PKDCC: variants seen among roughly 807,000 people sequenced by gnomAD.
The protein encoded by PKDCC is protein kinase domain containing, cytoplasmic, also known as extracellular tyrosine-protein kinase PKDCC.
PKDCC carries 35 observed loss-of-function variants against 44.7 expected under a neutral mutation model. The observed-to-expected ratio is 0.78, with a 90% CI of 0.60 to 1.04. PKDCC has a LOEUF of 1.04. Among genes scored for constraint, PKDCC ranks in the 50% least tolerant of loss-of-function variants. PKDCC has a pLI of 0.00. For synonymous variants in PKDCC, 353 were observed against 303.3 expected, an observed-to-expected ratio of 1.16 and a Z score of -1.70; for missense variants, 738 against 672.7, an observed-to-expected ratio of 1.10 and a Z score of -1.07.
rs764592115 is a variant in PKDCC at position 42,055,333 on chromosome 2, G to C, written c.1162G>C (p.Val388Leu). 6 of 1,613,644 alleles carry C rather than the reference G, an allele frequency of 3.7e-6. No homozygotes were observed. In the African/African-American group the frequency reaches 5.3e-5, roughly 14 times the overall value. The change falls in exon 5 of 7, where the codon GTG (valine) becomes CTG (leucine). Residue 388 changes from valine (V) to leucine (L), a missense_variant. Transcript: ENST00000294964. The surrounding 1 kb of genome is among the most constrained non-coding windows in gnomAD (Gnocchi z 4.5). ...VDETLAQLEK[V>L]LHLYRSGQYL... Reference sequence around the variant, plus strand: ...CGAGACCCTGGCCCAGCTGGAGAAGGTGCTGCACCTGTACCGGAGCGGGCA... The same window carrying C: ...CGAGACCCTGGCCCAGCTGGAGAAGCTGCTGCACCTGTACCGGAGCGGGCA...
rs1668023046 is a variant in PKDCC, at chr2:42,054,613, T to C, written c.1034+306T>C. On this transcript the variant is annotated intron_variant, in intron 3 of 6. Transcript: ENST00000294964. This position sits in a 1 kb window ranked among gnomAD's most constrained non-coding sequence, Gnocchi z 6.1. ...CCTTCCCACCCAGGCCCTTGTGCTC[T>C]GGGAAATTCCTCACTGGGCCCCAGC... 3.7e-6 allele frequency: 2 copies of C among 539,064 alleles called. No individual in the cohort carries two copies. The highest frequency in any genetic ancestry group is 3.3e-6 in the Non-Finnish European group (1 of 303,838). 33.4% of individuals were successfully genotyped at this position (539,064 alleles called of 1,614,324 possible). A position where few individuals can be genotyped will look rare whatever the true frequency, so the allele number is the denominator to read the frequency against.
chr2:42,057,279 C>G lies in PKDCC; in HGVS notation c.1281C>G (p.Ser427=), dbSNP rs781028948. Residue 427 remains serine (S), a synonymous_variant, in exon 6 of 7, where the codon TCC becomes TCG. Transcript: ENST00000294964. ...IPQEDYRCWP[S]YHHGSCLLSV... ...AGGAAGACTACCGCTGCTGGCCATC[C>G]TACCACCACGGGAGCTGCCTCCTTT... 6.2e-7 allele frequency: 1 copy of G among 1,614,232 alleles called. No individual in the cohort carries two copies. Among genetic ancestry groups the G allele is most frequent in the Non-Finnish European group, 8.5e-7 (1 of 1,180,028 alleles).
chr2:42,048,109 G>A lies in PKDCC; in HGVS notation c.-91G>A. On this transcript the variant is annotated 5_prime_UTR_variant, in exon 1 of 7. Coordinates refer to ENST00000294964, the MANE Select transcript of PKDCC (RefSeq NM_138370.3). The surrounding 1 kb of genome is among the most constrained non-coding windows in gnomAD (Gnocchi z 6.2). ...GCGCGGGCTGGGCAGGGGGCCGGCG[G>A]GGCGCAGAGCGGAGCCGCCTCGGAG... 5.1e-6 allele frequency: 4 copies of A among 778,254 alleles called. No homozygotes were observed. Among genetic ancestry groups the A allele is most frequent in the Non-Finnish European group, 6.2e-6 (4 of 643,094 alleles). 48.2% of individuals were successfully genotyped at this position (778,254 alleles called of 1,614,324 possible). A position where few individuals can be genotyped will look rare whatever the true frequency, so the allele number is the denominator to read the frequency against.
chr2:42,053,190 T>TCCCCCCCCCCCC, intron 1 of PKDCC, 49 bp from the exon 2 acceptor site: 1 of 1,200,010 alleles, frequency 8.3e-7, no homozygotes. Context: ...CCCTTCCCTG[T>TCCCCCCCCCCCC]CCCCACCCCC....
chr2:42,054,824 C>T lies in PKDCC; in HGVS notation c.1035-117C>T. ...GACTTCACTGCGTTCTGCCTGGTTG[C>T]TAGGCCTGAGGGATCCGGCTCCCTG... On this transcript the variant is annotated intron_variant, in intron 3 of 6. Coordinates refer to ENST00000294964, the MANE Select transcript of PKDCC (RefSeq NM_138370.3). This position sits in a 1 kb window ranked among gnomAD's most constrained non-coding sequence, Gnocchi z 6.1. The T allele has an allele frequency of 1.0e-6, 1 of 961,480 alleles. No individual in the cohort carries two copies. The highest frequency in any genetic ancestry group is 1.4e-5 in the South Asian group (1 of 71,916). The allele number at this position is 961,480 out of a possible 1,614,324, so 59.6% of individuals were successfully genotyped here.
Position 42,055,182 on chromosome 2 carries a change from C to A in PKDCC, c.1115-104C>A. On this transcript the variant is annotated intron_variant, in intron 4 of 6. Transcript: ENST00000294964. The surrounding 1 kb of genome is among the most constrained non-coding windows in gnomAD (Gnocchi z 4.5). ...TCCCCGCTCCCCCGCCCTCTGTTCACTGGGGCACAGGCTCTGGAGGCAGAG... is the reference window on the plus strand; with the variant it reads ...TCCCCGCTCCCCCGCCCTCTGTTCAATGGGGCACAGGCTCTGGAGGCAGAG... 7.6e-7 allele frequency: 1 copy of A among 1,308,588 alleles called. No individual in the cohort carries two copies. The highest frequency in any genetic ancestry group is 1.1e-6 in the Non-Finnish European group (1 of 929,790). 81.1% of individuals were successfully genotyped at this position (1,308,588 alleles called of 1,614,324 possible).
At chr2:42,053,955 C>A in intron 2 of PKDCC, 81 bp from the exon 3 acceptor site, 1 of 1,527,494 alleles carries the variant, frequency 6.5e-7, no homozygotes. Context: ...AGTTCAGATT[C>A]CAAGAGGAGG....
At position 42,054,353 on chromosome 2, in the gene PKDCC, C is replaced by G. The variant is rs1668019218; in HGVS notation, c.1034+46C>G. 2.6e-6 allele frequency: 4 copies of G among 1,551,448 alleles called. No homozygotes were observed. The highest frequency in any genetic ancestry group is 3.5e-6 in the Non-Finnish European group (4 of 1,145,096). On this transcript the variant is annotated intron_variant, in intron 3 of 6. Transcript: ENST00000294964. This position sits in a 1 kb window ranked among gnomAD's most constrained non-coding sequence, Gnocchi z 6.1. ...GGGAACTCCATCGAAGGAGAATGGGCCAGGAGGGCATGGCAGGAAGAGAGC... is the reference window on the plus strand; with the variant it reads ...GGGAACTCCATCGAAGGAGAATGGGGCAGGAGGGCATGGCAGGAAGAGAGC...
At chr2:42,057,102 T>G (rs1668068882) in intron 5 of PKDCC, 119 bp from the exon 6 acceptor site, 1 of 1,190,548 alleles carries the variant, frequency 8.4e-7, no homozygotes, top group Non-Finnish European at 1.2e-6. Flanking sequence ...AGGGCTGGGC[T>G]GGACTTCAGC....
rs1668033686 is a variant in PKDCC, at chr2:42,055,259, C to T, written c.1115-27C>T. ...GGGAGGAGTGGGAGCCCCAGGCATCCTGTCTTAGCCACACTGCACTCTGCA... is the reference window on the plus strand; with the variant it reads ...GGGAGGAGTGGGAGCCCCAGGCATCTTGTCTTAGCCACACTGCACTCTGCA... On this transcript the variant is annotated intron_variant, in intron 4 of 6. Transcript: ENST00000294964. This position sits in a 1 kb window ranked among gnomAD's most constrained non-coding sequence, Gnocchi z 4.5. The T allele has an allele frequency of 1.3e-6, 2 of 1,594,690 alleles. No individual in the cohort carries two copies. Among genetic ancestry groups the T allele is most frequent in the Non-Finnish European group, 1.7e-6 (2 of 1,168,684 alleles).
rs1667915424 is a variant in PKDCC at position 42,048,689 on chromosome 2, G to A, written c.490G>A (p.Ala164Thr). 3.0e-5 allele frequency: 46 copies of A among 1,549,900 alleles called. No individual in the cohort carries two copies. Among genetic ancestry groups the A allele is most frequent in the Non-Finnish European group, 3.7e-5 (43 of 1,147,782 alleles). Residue 164 changes from alanine (A) to threonine (T), a missense_variant, in exon 1 of 7, where the codon GCG becomes ACG. Ala to Thr is a moderately conservative substitution (Grantham distance 58). Coordinates refer to ENST00000294964, the MANE Select transcript of PKDCC (RefSeq NM_138370.3). The surrounding 1 kb of genome is among the most constrained non-coding windows in gnomAD (Gnocchi z 6.2). ...RVRLPGGAAV[A>T]LKAVDFSGHD... ...CCGCCTGCCCGGCGGTGCCGCGGTG[G>A]CGCTCAAGGCGGTGGACTTTAGCGG...
rs2103927209 is a variant in PKDCC, at chr2:42,052,715, CT to C, written c.640-523del. On this transcript the variant is annotated intron_variant, in intron 1 of 6. Coordinates refer to ENST00000294964, the MANE Select transcript of PKDCC (RefSeq NM_138370.3). The surrounding 1 kb of genome is among the most constrained non-coding windows in gnomAD (Gnocchi z 4.3). ...TGAGATCATGCCACTGCACTCCAGCCTGGGCAACAGAGCGAGGCTGTCTCAA... is the reference window on the plus strand; with the variant it reads ...TGAGATCATGCCACTGCACTCCAGCCGGGCAACAGAGCGAGGCTGTCTCAA... Among the ~76,000 whole-genome samples the C allele has an allele frequency of 6.6e-6, 1 of 151,230 alleles. No individual in the cohort carries two copies. Among genetic ancestry groups the C allele is most frequent in the African/African-American group, 2.4e-5 (1 of 41,058 alleles).
intron 1 of PKDCC, 73 bp from the exon 2 acceptor site, chr2:42,053,166 A>T: frequency 8.0e-7 from 1 of 1,249,880 alleles, no homozygotes; most frequent in East Asian, 2.5e-5. Context: ...GAGAGGGGGA[A>T]CCTGACAGTC....
At chr2:42,057,551 C>T (rs1668078167) in intron 6 of PKDCC, 52 bp from the exon 7 acceptor site, 2 of 1,588,800 alleles carry the variant, frequency 1.3e-6, no homozygotes, top group South Asian at 1.1e-5. Flanking sequence ...AATGGTCTTG[C>T]CTCCAGAAAG....
chr2:42,051,905 C>T lies in PKDCC; in HGVS notation c.640-1334C>T, dbSNP rs1346932231. 6.6e-6 allele frequency among the ~76,000 whole-genome samples: 1 copy of T among 152,072 alleles called. No homozygotes were observed. The highest frequency in any genetic ancestry group is 2.4e-5 in the African/African-American group (1 of 41,388). On this transcript the variant is annotated intron_variant, in intron 1 of 6. Transcript: ENST00000294964. The surrounding 1 kb of genome is among the most constrained non-coding windows in gnomAD (Gnocchi z 4.2). ...GGGTGACAGTGCACAGGGATATCCA[C>T]CCCTCCACCGCATAGCTCTCCTCTC...
At position 42,055,234 on chromosome 2, in the gene PKDCC, G is replaced by T; in HGVS notation, c.1115-52G>T. On this transcript the variant is annotated intron_variant, in intron 4 of 6. Transcript: ENST00000294964. The surrounding 1 kb of genome is among the most constrained non-coding windows in gnomAD (Gnocchi z 4.5). ...TGGGAGCAGCTGGCTGCTGACTTCA[G>T]GGAGGAGTGGGAGCCCCAGGCATCC... 2 of 1,531,928 alleles carry T rather than the reference G, an allele frequency of 1.3e-6. No homozygotes were observed. The highest frequency in any genetic ancestry group is 2.3e-5 in the East Asian group (1 of 43,652). The allele number at this position is 1,531,928 out of a possible 1,614,324, so 94.9% of individuals were successfully genotyped here. A position where few individuals can be genotyped will look rare whatever the true frequency, so the allele number is the denominator to read the frequency against.
At chr2:42,049,476 C>G (rs139403058) in intron 1 of PKDCC, among the ~76,000 whole-genome samples, 1 of 152,070 alleles carries the variant, frequency 6.6e-6, no homozygotes, top group Admixed American at 6.5e-5. Context: ...TAAGGGTTCC[C>G]CAGGCCTTAA....
intron 2 of PKDCC, among the ~76,000 whole-genome samples, chr2:42,053,744 A>G (rs1269254951): frequency 6.6e-6 from 1 of 152,112 alleles, no homozygotes; most frequent in Non-Finnish European, 1.5e-5. Context: ...CTAAAACAAC[A>G]TTCAGGATGC....
intron 5 of PKDCC, among the ~76,000 whole-genome samples, chr2:42,056,212 A>G (rs1047746702): frequency 6.6e-6 from 1 of 152,132 alleles, no homozygotes; most frequent in Non-Finnish European, 1.5e-5. Context: ...GGGTGGCCAG[A>G]GGCCCAGGGC....
Sources: allele counts gnomAD v4.1 joint callset (sites outside exome capture counted in the v4.1 genomes callset), GRCh38; gene constraint gnomAD v4.1.1; non-coding constraint Gnocchi (gnomAD v3.1); transcripts MANE v1.5; gene names NCBI Gene and HGNC (gene_info 2026-07-23, HGNC 2026-07-21).